ILDR2: variants seen among roughly 807,000 people sequenced by gnomAD.
The protein encoded by ILDR2 is immunoglobulin like domain containing receptor 2.
ILDR2 carries 25 observed loss-of-function variants against 66.8 expected under a neutral mutation model. The observed-to-expected ratio is 0.37, with a 90% CI of 0.27 to 0.52. The LOEUF is 0.52. Among genes scored for constraint, ILDR2 ranks in the 20% least tolerant of loss-of-function variants. The probability of loss-of-function intolerance (pLI) is 0.88; values close to 1 mark genes in which losing one functional copy is unlikely to be tolerated. For synonymous variants in ILDR2, 367 were observed against 357.2 expected (o/e 1.03, Z -0.31); for missense variants, 827 against 876.8 (o/e 0.94, Z 0.72).
chr1:166,972,954 G>C (rs1364371520), intron 1 of ILDR2, among the ~76,000 whole-genome samples: 1 of 152,080 alleles, frequency 6.6e-6, no homozygotes, highest in Non-Finnish European at 1.5e-5. Flanking sequence ...TCTCCTCCTT[G>C]TCTGCTTCTG....
At chr1:166,922,146 G>A (rs1322647587) in intron 8 of ILDR2, among the ~76,000 whole-genome samples, 1 of 152,138 alleles carries the variant, frequency 6.6e-6, no homozygotes, top group Non-Finnish European at 1.5e-5. Flanking sequence ...GGCCAGGCAT[G>A]ATGGCTCATG....
At position 166,921,395 on chromosome 1, in the gene ILDR2, G is replaced by C; in HGVS notation, c.1212-16C>G. The C allele has an allele frequency of 6.5e-7, 1 of 1,539,368 alleles. No individual in the cohort carries two copies. Among genetic ancestry groups the C allele is most frequent in the Non-Finnish European group, 8.8e-7 (1 of 1,141,386 alleles). ...GCGCGGCTGGCTGCGGGCAGAGAAG[G>C]AGGGGGTCAGACGGCCGGTCCCTCC... is the stretch of plus-strand genomic sequence containing the variant. On this transcript the variant is annotated splice_polypyrimidine_tract_variant and intron_variant, in intron 8 of 9. Coordinates refer to ENST00000271417, the MANE Select transcript of ILDR2 (RefSeq NM_199351.3). The surrounding 1 kb of genome is among the most constrained non-coding windows in gnomAD (Gnocchi z 5.3).
chr1:166,947,897 G>A (rs1380334968), intron 3 of ILDR2, among the ~76,000 whole-genome samples: 1 of 152,196 alleles, frequency 6.6e-6, no homozygotes, highest in Non-Finnish European at 1.5e-5. Flanking sequence ...CGGGGTGGCT[G>A]GGGGCTTAGG....
chr1:166,898,595 C>A (rs1301723196), intron 2 of ILDR2, among the ~76,000 whole-genome samples: 3 of 152,200 alleles, frequency 2.0e-5, no homozygotes, highest in African/African-American at 7.2e-5. Context: ...AATCTTTCCA[C>A]CTCTTCTGGA....
chr1:166,931,823 A>T (rs1341244040), intron 6 of ILDR2, among the ~76,000 whole-genome samples: 3 of 152,266 alleles, frequency 2.0e-5, no homozygotes, highest in Non-Finnish European at 2.9e-5. Context: ...CAACAATGCC[A>T]TCCACTGAGA....
At chr1:166,945,364 A>T (rs1661556603) in intron 3 of ILDR2, among the ~76,000 whole-genome samples, 1 of 152,218 alleles carries the variant, frequency 6.6e-6, no homozygotes, top group Non-Finnish European at 1.5e-5. Context: ...TACTGTCACA[A>T]ACTCTAGAGC....
intron 1 of ILDR2, among the ~76,000 whole-genome samples, chr1:166,972,254 A>G (rs868602470): frequency 6.6e-6 from 1 of 152,080 alleles, no homozygotes; most frequent in Admixed American, 6.6e-5. Flanking sequence ...TAATTCATCA[A>G]GCAATCTTTG....
At chr1:166,927,646 A>T (rs1660379972) in intron 6 of ILDR2, among the ~76,000 whole-genome samples, 1 of 152,236 alleles carries the variant, frequency 6.6e-6, no homozygotes, top group Admixed American at 6.5e-5. Context: ...GCCTTGACAA[A>T]GTTGGCCTGA....
Position 166,918,015 on chromosome 1 carries a change from GC to G in ILDR2, c.*1339del, listed in dbSNP as rs1199800280. 2 of 152,298 alleles carry G rather than the reference GC, an allele frequency of 1.3e-5. No individual in the cohort carries two copies. The highest frequency in any genetic ancestry group is 2.9e-5 in the Non-Finnish European group (2 of 68,036). 9.4% of individuals were successfully genotyped at this position (152,298 alleles called of 1,614,324 possible). A position where few individuals can be genotyped will look rare whatever the true frequency, so the allele number is the denominator to read the frequency against. ...GCTACTGGCTAAATCAAATCACATA[GC>G]CAACTCCAGATTCAAGGGGTTGGAA... On this transcript the variant is annotated 3_prime_UTR_variant, in exon 10 of 10. Transcript: ENST00000271417.
chr1:166,904,540 A>G (rs980962538), downstream of ILDR2, among the ~76,000 whole-genome samples: 1 of 152,222 alleles, frequency 6.6e-6, no homozygotes, highest in African/African-American at 2.4e-5. Context: ...AATAATGAAC[A>G]AGGATTCAGG....
At chr1:166,935,600 G>A (rs1032307297) in intron 5 of ILDR2, 123 bp from the exon 6 acceptor site, 35 of 836,902 alleles carry the variant, frequency 4.2e-5, no homozygotes, top group Non-Finnish European at 5.7e-5. Context: ...ATGTGTGAGC[G>A]TTTGTTCTTC....
chr1:166,959,353 G>T (rs942176625), intron 1 of ILDR2, among the ~76,000 whole-genome samples: 10 of 152,152 alleles, frequency 6.6e-5, no homozygotes, highest in Admixed American at 2.6e-4. Context: ...TTCCCTTGCT[G>T]CCCTGGCTTG....
At chr1:166,948,240 G>A (rs904699069) in intron 3 of ILDR2, among the ~76,000 whole-genome samples, 3 of 152,192 alleles carry the variant, frequency 2.0e-5, no homozygotes, top group Non-Finnish European at 4.4e-5. Context: ...AAGGTGGTCA[G>A]CAGCTAAAGA....
At chr1:166,969,110 A>G (rs1663129409) in intron 1 of ILDR2, among the ~76,000 whole-genome samples, 1 of 152,130 alleles carries the variant, frequency 6.6e-6, no homozygotes, top group Non-Finnish European at 1.5e-5. Context: ...GCTTTCCATT[A>G]TTAAAGCAAC....
chr1:166,952,082 A>G (rs755205794), intron 3 of ILDR2, among the ~76,000 whole-genome samples: 8 of 152,256 alleles, frequency 5.3e-5, no homozygotes, highest in Non-Finnish European at 1.0e-4. Flanking sequence ...ATCGAAAGAC[A>G]TAAGAACAAG....
chr1:166,917,954 A>G lies in ILDR2; in HGVS notation c.*1401T>C, dbSNP rs1659707073. 6.6e-6 allele frequency: 1 copy of G among 152,194 alleles called. No individual in the cohort carries two copies. Among genetic ancestry groups the G allele is most frequent in the Admixed American group, 6.5e-5 (1 of 15,278 alleles). The allele number at this position is 152,194 out of a possible 1,614,324, so 9.4% of individuals were successfully genotyped here. A position where few individuals can be genotyped will look rare whatever the true frequency, so the allele number is the denominator to read the frequency against. Reference sequence around the variant, plus strand: ...AAAGAGGACAAGCCCCATGCACAAGAACTTTTCAAGTCTCTGCTTGTGTCA... The same window carrying G: ...AAAGAGGACAAGCCCCATGCACAAGGACTTTTCAAGTCTCTGCTTGTGTCA... On this transcript the variant is annotated 3_prime_UTR_variant, in exon 10 of 10. Coordinates refer to ENST00000271417, the MANE Select transcript of ILDR2 (RefSeq NM_199351.3).
chr1:166,921,244 G>C lies in ILDR2; in HGVS notation c.1347C>G (p.His449Gln). ...QRPRRADGNS[H>Q]EARGGSRFER... ...CGAAGCGGCTCCCGCCCCGCGCCTCGTGACTGTTGCCGTCTGCCCGGCGGG... is the reference window on the plus strand; with the variant it reads ...CGAAGCGGCTCCCGCCCCGCGCCTCCTGACTGTTGCCGTCTGCCCGGCGGG... The change falls in exon 9 of 10, where the codon CAC becomes CAG. Residue 449 changes from histidine to glutamine, a missense_variant. By Grantham distance (24) the His-to-Gln change is conservative (BLOSUM62 0). Coordinates refer to ENST00000271417, the MANE Select transcript of ILDR2 (RefSeq NM_199351.3). The surrounding 1 kb of genome is among the most constrained non-coding windows in gnomAD (Gnocchi z 5.3). The C allele has an allele frequency of 6.3e-7, 1 of 1,597,934 alleles. No homozygotes were observed. Among genetic ancestry groups the C allele is most frequent in the East Asian group, 2.2e-5 (1 of 44,578 alleles).
Position 166,952,819 on chromosome 1 carries a change from T to C in ILDR2, c.499+3914A>G, listed in dbSNP as rs998161977. On this transcript the variant is annotated intron_variant, in intron 3 of 9. Transcript: ENST00000271417. ...ATAGCTTCTTCATACAGACAGGTCATGTGGTATTGTGGAAAGAGATAAGGC... is the reference window on the plus strand; with the variant it reads ...ATAGCTTCTTCATACAGACAGGTCACGTGGTATTGTGGAAAGAGATAAGGC... Among the ~76,000 whole-genome samples, 4 of 152,146 alleles carry C rather than the reference T, an allele frequency of 2.6e-5. No homozygotes were observed. In the East Asian group the frequency reaches 7.7e-4, roughly 29 times the overall value.
chr1:166,936,454 G>A lies in ILDR2; in HGVS notation c.703+137C>T, dbSNP rs368673224. The A allele has an allele frequency of 6.2e-5, 83 of 1,333,288 alleles. No homozygotes were observed. In the African/African-American group the frequency reaches 6.7e-4, roughly 11 times the overall value. 82.6% of individuals were successfully genotyped at this position (1,333,288 alleles called of 1,614,324 possible). On this transcript the variant is annotated intron_variant, in intron 5 of 9. Coordinates refer to ENST00000271417, the MANE Select transcript of ILDR2 (RefSeq NM_199351.3). This position sits in a 1 kb window ranked among gnomAD's most constrained non-coding sequence, Gnocchi z 5.0. ...ATCCCTGAGGCCAGGGGCACCCAGC[G>A]GAGAAGAGTCTGGAATGACCAATCT...
Sources: allele counts gnomAD v4.1 joint callset (sites outside exome capture counted in the v4.1 genomes callset), GRCh38; gene constraint gnomAD v4.1.1; non-coding constraint Gnocchi (gnomAD v3.1); transcripts MANE v1.5; gene names NCBI Gene and HGNC (gene_info 2026-07-23, HGNC 2026-07-21).